The following TMEM132C variants were observed in gnomAD, a reference collection of about 807,000 sequenced individuals.
TMEM132C encodes transmembrane protein 132C.
A neutral mutation model predicts 61.4 loss-of-function variants in TMEM132C; 29 were observed. The ratio of observed to expected loss-of-function variants is 0.47; its 90% CI spans 0.35 to 0.64. The LOEUF is 0.64. TMEM132C is among the 30% of genes least tolerant of loss of function. The probability of loss-of-function intolerance (pLI) is 0.00; values close to 1 mark genes in which losing one functional copy is unlikely to be tolerated. For missense variants in TMEM132C, 1,408 were observed against 1,476.9 expected, an observed-to-expected ratio of 0.95 and a Z score of 0.76; for synonymous variants, 656 against 633.1, an observed-to-expected ratio of 1.04 and a Z score of -0.54.
chr12:128,383,175 AGT>A (rs1874466977), intron 1 of TMEM132C, among the ~76,000 whole-genome samples: 1 of 151,738 alleles, frequency 6.6e-6, no homozygotes, highest in African/African-American at 2.4e-5. Context: ...CATGTGTGTC[AGT>A]GTGTGCGCAT....
intron 4 of TMEM132C, among the ~76,000 whole-genome samples, chr12:128,644,141 G>A (rs772060767): frequency 4.6e-5 from 7 of 152,180 alleles, no homozygotes; most frequent in Non-Finnish European, 8.8e-5. Context: ...ACCTGCATGC[G>A]CTGGTGGTGG....
intron 3 of TMEM132C, among the ~76,000 whole-genome samples, chr12:128,607,970 C>A (rs1360730687): frequency 2.6e-5 from 4 of 152,048 alleles, no homozygotes; most frequent in Admixed American, 2.6e-4. Flanking sequence ...AATAACAGGG[C>A]CAGGTCTAGC....
At chr12:128,277,407 C>G (rs1249082779) in intron 1 of TMEM132C, among the ~76,000 whole-genome samples, 2 of 152,164 alleles carry the variant, frequency 1.3e-5, no homozygotes, top group African/African-American at 2.4e-5. Flanking sequence ...ATTCTGTCCA[C>G]ACAGCATACT....
intron 5 of TMEM132C, among the ~76,000 whole-genome samples, chr12:128,689,061 G>T (rs1452603478): frequency 6.6e-6 from 1 of 151,664 alleles, no homozygotes; most frequent in Non-Finnish European, 1.5e-5. Flanking sequence ...CAAGTGATCC[G>T]CCCGCCTCAG....
At chr12:128,331,337 A>G (rs535882675) in intron 1 of TMEM132C, among the ~76,000 whole-genome samples, 3 of 152,346 alleles carry the variant, frequency 2.0e-5, no homozygotes, top group African/African-American at 7.2e-5. Flanking sequence ...GTACATGTGC[A>G]ATTTTGTTTC....
intron 1 of TMEM132C, among the ~76,000 whole-genome samples, chr12:128,281,899 C>A: frequency 6.6e-6 from 1 of 152,178 alleles, no homozygotes; most frequent in East Asian, 1.9e-4. Flanking sequence ...CTCTAGGTAC[C>A]CAGCCTCATT....
chr12:128,692,940 G>A (rs1051651576), intron 5 of TMEM132C, among the ~76,000 whole-genome samples: 1 of 152,192 alleles, frequency 6.6e-6, no homozygotes, highest in Non-Finnish European at 1.5e-5. Context: ...GGAAAGGGAG[G>A]CGCATAGGGA....
chr12:128,383,006 G>T (rs937525485), intron 1 of TMEM132C, among the ~76,000 whole-genome samples: 2 of 152,028 alleles, frequency 1.3e-5, no homozygotes, highest in African/African-American at 4.8e-5. Flanking sequence ...ATCTGTGAGT[G>T]CGTCTGTGTA....
chr12:128,697,380 G>A lies in TMEM132C; in HGVS notation c.2086G>A (p.Val696Ile). The stretch of plus-strand genomic sequence containing the variant: ...AAACAGCAAGGCCGTAACAGCTGTG[G>A]TCACAGCTGAGGAGGTGCTGCGGAC... The part of the protein sequence containing the change: ...AENSKAVTAV[V>I]TAEEVLRTPK... Residue 696 changes from valine (V) to isoleucine (I), a missense_variant, in exon 8 of 9, where the codon GTC becomes ATC. Coordinates refer to ENST00000435159, the MANE Select transcript of TMEM132C (RefSeq NM_001136103.3). The A allele has an allele frequency of 6.5e-7, 1 of 1,549,806 alleles. No individual in the cohort carries two copies. Among genetic ancestry groups the A allele is most frequent in the South Asian group, 1.2e-5 (1 of 83,902 alleles).
chr12:128,402,352 G>A (rs996881009), intron 1 of TMEM132C, among the ~76,000 whole-genome samples: 16 of 152,098 alleles, frequency 1.1e-4, no homozygotes, highest in African/African-American at 3.6e-4. Flanking sequence ...CAGGTATTAA[G>A]CCCAGTATCC....
intron 1 of TMEM132C, among the ~76,000 whole-genome samples, chr12:128,299,162 A>C (rs1871517019): frequency 6.6e-6 from 1 of 152,086 alleles, no homozygotes; most frequent in African/African-American, 2.4e-5. Flanking sequence ...GAAGGTGATA[A>C]ATTTTCTGAA....
chr12:128,572,183 T>A (rs1335050563), intron 3 of TMEM132C, among the ~76,000 whole-genome samples: 1 of 151,914 alleles, frequency 6.6e-6, no homozygotes, highest in East Asian at 1.9e-4. Context: ...CAGGCCTAGG[T>A]CACATGCCCA....
At chr12:128,550,850 G>A (rs1254005698) in intron 3 of TMEM132C, among the ~76,000 whole-genome samples, 3 of 152,254 alleles carry the variant, frequency 2.0e-5, no homozygotes, top group Middle Eastern at 3.4e-3. Context: ...GCACTTGTGC[G>A]GATTCTTAGA....
chr12:128,580,877 T>C (rs1210819520), intron 3 of TMEM132C, among the ~76,000 whole-genome samples: 2 of 152,180 alleles, frequency 1.3e-5, no homozygotes, highest in Non-Finnish European at 2.9e-5. Context: ...TAATTCTTCG[T>C]GATGGGGGCT....
At chr12:128,616,591 A>G (rs1319709347) in intron 4 of TMEM132C, among the ~76,000 whole-genome samples, 1 of 152,214 alleles carries the variant, frequency 6.6e-6, no homozygotes, top group Non-Finnish European at 1.5e-5. Context: ...TAAGAAGCTC[A>G]CCAGGTGATT....
intron 3 of TMEM132C, among the ~76,000 whole-genome samples, chr12:128,598,558 C>A (rs1174256599): frequency 6.6e-6 from 1 of 152,148 alleles, no homozygotes; most frequent in Non-Finnish European, 1.5e-5. Context: ...GTGTCTGGGC[C>A]TCTGCACATT....
chr12:128,697,916 G>A (rs73145685), intron 8 of TMEM132C, among the ~76,000 whole-genome samples: 2,373 of 152,184 alleles, frequency 0.016, 30 homozygotes, highest in Middle Eastern at 0.048. Flanking sequence ...TTTTACCTGA[G>A]ACACACCACC....
chr12:128,445,649 A>G (rs1869956860), intron 2 of TMEM132C, among the ~76,000 whole-genome samples: 1 of 152,112 alleles, frequency 6.6e-6, no homozygotes. Flanking sequence ...GCCGCTGGAG[A>G]CACTTCCCAG....
chr12:128,573,676 A>G (rs896520973), intron 3 of TMEM132C, among the ~76,000 whole-genome samples: 2 of 151,898 alleles, frequency 1.3e-5, no homozygotes, highest in Non-Finnish European at 2.9e-5. Context: ...CAGAAAGTAG[A>G]ATGGTGGATG....
Sources: gnomAD v4.1 joint callset for allele counts (sites outside exome capture counted in the v4.1 genomes callset) on GRCh38, gnomAD v4.1.1 for gene constraint, MANE v1.5 for transcripts, NCBI Gene and HGNC (gene_info 2026-07-23, HGNC 2026-07-21) for gene names.